PLEKHS1: variants seen among roughly 807,000 people sequenced by gnomAD.
PLEKHS1 encodes pleckstrin homology domain-containing family S member 1.
In PLEKHS1, 55 loss-of-function variants were observed where a neutral mutation model predicts 51.0. That is an observed-to-expected ratio of 1.08 (90% CI 0.87 to 1.35). The LOEUF is 1.35. Among genes scored for constraint, PLEKHS1 ranks in the 40% most tolerant of loss-of-function variants. The pLI is 0.00. For synonymous variants in PLEKHS1, 153 were observed against 144.8 expected (o/e 1.06, Z -0.41); for missense variants, 398 against 423.0 (o/e 0.94, Z 0.52).
At chr10:113,762,384 TTTC>T (rs1843979275) in intron 2 of PLEKHS1, among the ~76,000 whole-genome samples, 1 of 148,638 alleles carries the variant, frequency 6.7e-6, no homozygotes, top group Non-Finnish European at 1.5e-5. Context: ...TTTTTTTTTT[TTTC>T]AGTTTAGTTT....
At position 113,775,826 on chromosome 10, in the gene PLEKHS1, A is replaced by C. The variant is rs186635215; in HGVS notation, c.1051A>C (p.Ile351Leu). The change falls in exon 11 of 12, where the codon ATC becomes CTC. Residue 351 changes from isoleucine (I) to leucine (L), a missense_variant. Transcript: ENST00000361048. ...CGTTTTCCTTTCTCCTCCTGATGTC[A>C]TCAACTATCTTGCTCTCACAGAAGC... 7 of 1,613,228 alleles carry C rather than the reference A, an allele frequency of 4.3e-6. No homozygotes were observed. In the East Asian group the frequency reaches 1.3e-4, roughly 31 times the overall value.
At chr10:113,759,854 A>T (rs1426767630) in intron 2 of PLEKHS1, among the ~76,000 whole-genome samples, 1 of 152,200 alleles carries the variant, frequency 6.6e-6, no homozygotes, top group Non-Finnish European at 1.5e-5. Flanking sequence ...TAGATTTTTT[A>T]AAAAGCTTTA....
At chr10:113,780,866 C>A in exon 12 of PLEKHS1, 1 of 1,238,116 alleles carries the variant, frequency 8.1e-7, no homozygotes, top group Non-Finnish European at 1.1e-6. Flanking sequence ...TGATAGGAGA[C>A]AGTCGGCACC....
chr10:113,773,075 C>G (rs557622491), intron 8 of PLEKHS1, among the ~76,000 whole-genome samples: 1 of 152,102 alleles, frequency 6.6e-6, no homozygotes, highest in South Asian at 2.1e-4. Flanking sequence ...AAGATGGTGA[C>G]GTATGTTTAT....
intron 8 of PLEKHS1, among the ~76,000 whole-genome samples, chr10:113,772,320 A>G (rs1424297372): frequency 1.3e-5 from 2 of 152,164 alleles, no homozygotes; most frequent in African/African-American, 2.4e-5. Flanking sequence ...TGCATGAGCT[A>G]TGGGAGGAGG....
At chr10:113,755,649 C>T (rs1031840392) in intron 2 of PLEKHS1, among the ~76,000 whole-genome samples, 12 of 152,272 alleles carry the variant, frequency 7.9e-5, no homozygotes, top group African/African-American at 2.6e-4. Context: ...GGTGATTCCC[C>T]ACCTCTCAGC....
At chr10:113,774,590 C>T (rs1844563016) in intron 9 of PLEKHS1, among the ~76,000 whole-genome samples, 1 of 152,188 alleles carries the variant, frequency 6.6e-6, no homozygotes, top group South Asian at 2.1e-4. Flanking sequence ...ATGTCTCTCA[C>T]ACTCTCACTT....
In PLEKHS1 at chr10:113,752,956, G is replaced by T. The variant is rs539939278; in HGVS notation, c.-20+1195G>T. On this transcript the variant is annotated intron_variant, in intron 1 of 11. Coordinates refer to ENST00000361048, the Ensembl canonical transcript of PLEKHS1. Reference sequence around the variant, plus strand: ...TCATCTCAGTCTTCTCTCAAATGCAGCTTTTCATTTGTAAAATGAGCTATC... The same window carrying T: ...TCATCTCAGTCTTCTCTCAAATGCATCTTTTCATTTGTAAAATGAGCTATC... Among the ~76,000 whole-genome samples the T allele has an allele frequency of 2.0e-5, 3 of 152,254 alleles. No individual in the cohort carries two copies. In the East Asian group the frequency reaches 5.8e-4, roughly 29 times the overall value.
At chr10:113,773,733 ACT>A (rs1002257172) in intron 8 of PLEKHS1, among the ~76,000 whole-genome samples, 10 of 151,908 alleles carry the variant, frequency 6.6e-5, no homozygotes, top group African/African-American at 2.4e-4. Flanking sequence ...GCCACAAGTG[ACT>A]CTCTTTGTTC....
rs530223158 is a variant in PLEKHS1, at chr10:113,772,208, T to G, written c.672+119T>G. The G allele has an allele frequency of 3.7e-6, 4 of 1,072,652 alleles. No individual in the cohort carries two copies. In the African/African-American group the frequency reaches 6.4e-5, roughly 17 times the overall value. The allele number at this position is 1,072,652 out of a possible 1,614,324, so 66.4% of individuals were successfully genotyped here. On this transcript the variant is annotated intron_variant, in intron 8 of 11. Coordinates refer to ENST00000361048, the Ensembl canonical transcript of PLEKHS1. ...AGTGGGAACACAGAAGTAAATCAAA[T>G]ACAGATGACGTGCTCATGGTGCTGA...
At chr10:113,766,934 CTTTAA>C (rs1473359571) in intron 4 of PLEKHS1, among the ~76,000 whole-genome samples, 8 of 152,080 alleles carry the variant, frequency 5.3e-5, no homozygotes, top group African/African-American at 1.9e-4. Flanking sequence ...CTTGATAAGT[CTTTAA>C]TTAACAGGCA....
At chr10:113,776,358 T>G (rs1844661916) in intron 11 of PLEKHS1, among the ~76,000 whole-genome samples, 1 of 152,256 alleles carries the variant, frequency 6.6e-6, no homozygotes, top group Non-Finnish European at 1.5e-5. Context: ...GAGAATTTTC[T>G]TAAAGCAATC....
chr10:113,764,452 T>A (rs1844075939), intron 2 of PLEKHS1, among the ~76,000 whole-genome samples: 1 of 152,172 alleles, frequency 6.6e-6, no homozygotes, highest in Admixed American at 6.5e-5. Flanking sequence ...TGATGAGAAA[T>A]CAATATCTCT....
At chr10:113,781,750 AACACCTC>A in exon 12 of PLEKHS1, 1 of 112,752 alleles carries the variant, frequency 8.9e-6, no homozygotes, top group East Asian at 2.8e-4. Context: ...CTCCTTCCCC[AACACCTC>A]CTTCCCAACA....
At chr10:113,767,235 C>A in intron 4 of PLEKHS1, 110 bp from the exon 5 acceptor site, 1 of 759,172 alleles carries the variant, frequency 1.3e-6, no homozygotes, top group South Asian at 4.7e-5. Context: ...ATCTTGGAAA[C>A]ATGGATCCAG....
chr10:113,775,117 A>G, intron 10 of PLEKHS1, 82 bp downstream of exon 10: 1 of 1,277,244 alleles, frequency 7.8e-7, no homozygotes, highest in Non-Finnish European at 1.1e-6. Context: ...CTTAGAATTT[A>G]AATTTTAAAG....
At chr10:113,765,148 T>G in intron 2 of PLEKHS1, 2 of 419,808 alleles carry the variant, frequency 4.8e-6, no homozygotes, top group Non-Finnish European at 8.5e-6. Context: ...AAATTTTACC[T>G]TGTTGTTTCC....
At chr10:113,773,340 G>C (rs1422094961) in intron 8 of PLEKHS1, among the ~76,000 whole-genome samples, 1 of 152,130 alleles carries the variant, frequency 6.6e-6, no homozygotes, top group Non-Finnish European at 1.5e-5. Flanking sequence ...GATGTGTACT[G>C]AGCATCAGTT....
chr10:113,775,687 C>G, intron 10 of PLEKHS1, 78 bp from the exon 11 acceptor site: 2 of 884,390 alleles, frequency 2.3e-6, no homozygotes, highest in South Asian at 1.9e-5. Context: ...AAATAGAGGC[C>G]AAAAGTCTAC....
Sources: gnomAD v4.1 joint callset for allele counts (sites outside exome capture counted in the v4.1 genomes callset) on GRCh38, gnomAD v4.1.1 for gene constraint, MANE v1.5 for transcripts, NCBI Gene and HGNC (gene_info 2026-07-23, HGNC 2026-07-21) for gene names.